The following NPAS2 variants were observed in gnomAD, a reference collection of about 807,000 sequenced individuals.
NPAS2 encodes neuronal PAS domain-containing protein 2.
A neutral mutation model predicts 107.5 loss-of-function variants in NPAS2; 23 were observed. The observed-to-expected ratio is 0.21, with a 90% confidence interval of 0.15 to 0.30. The LOEUF is 0.30. Ranked by LOEUF, NPAS2 falls within the 10% of genes least tolerant of loss-of-function variation. The pLI, the probability that NPAS2 is intolerant of heterozygous loss-of-function variation, is 1.00. For missense variants in NPAS2, 756 were observed against 1,043.3 expected (o/e 0.72, Z 3.79); for synonymous variants, 403 against 417.5 (o/e 0.97, Z 0.42).
chr2:100,836,225 T>A (rs1225982701), intron 1 of NPAS2, among the ~76,000 whole-genome samples: 1 of 152,126 alleles, frequency 6.6e-6, no homozygotes, highest in Non-Finnish European at 1.5e-5. Context: ...TTGATTGACA[T>A]ACATATACAC....
chr2:100,938,762 C>A (rs1042502248), intron 5 of NPAS2, among the ~76,000 whole-genome samples: 1 of 152,048 alleles, frequency 6.6e-6, no homozygotes, highest in Non-Finnish European at 1.5e-5. Flanking sequence ...TGTTCCTAGG[C>A]GGCAGCTTCG....
intron 2 of NPAS2, 50 bp from the exon 3 acceptor site, chr2:100,925,096 G>A: frequency 2.6e-6 from 4 of 1,563,634 alleles, no homozygotes; most frequent in Non-Finnish European, 3.5e-6. Flanking sequence ...TCATCACAAA[G>A]CCTTTGTGAC....
intron 1 of NPAS2, among the ~76,000 whole-genome samples, chr2:100,852,259 T>C (rs913708560): frequency 7.9e-5 from 12 of 151,828 alleles, no homozygotes; most frequent in South Asian, 2.1e-4. Flanking sequence ...TAGCCGGGCG[T>C]GGTGGTGGGT....
chr2:100,926,220 G>A (rs934596579), intron 3 of NPAS2, among the ~76,000 whole-genome samples: 2 of 152,088 alleles, frequency 1.3e-5, no homozygotes, highest in African/African-American at 2.4e-5. Context: ...TGGAAATTAT[G>A]AATGATGCTG....
At chr2:100,869,302 T>C (rs975047305) in intron 1 of NPAS2, among the ~76,000 whole-genome samples, 4 of 152,228 alleles carry the variant, frequency 2.6e-5, no homozygotes, top group South Asian at 2.1e-4. Flanking sequence ...AATCTGATTT[T>C]GTTCTTTGTT....
At chr2:100,969,094 A>G (rs1676397646) in intron 11 of NPAS2, among the ~76,000 whole-genome samples, 1 of 152,096 alleles carries the variant, frequency 6.6e-6, no homozygotes, top group Admixed American at 6.5e-5. Context: ...AAATTTTAAG[A>G]ACGTAAATTA....
At chr2:100,880,717 T>G (rs1472710227) in intron 1 of NPAS2, among the ~76,000 whole-genome samples, 1 of 152,230 alleles carries the variant, frequency 6.6e-6, no homozygotes, top group East Asian at 1.9e-4. Flanking sequence ...TGAACACCAC[T>G]GAATTGTACA....
In NPAS2 at chr2:100,990,807, C is replaced by T. The variant is rs775060115; in HGVS notation, c.2046C>T (p.Pro682=). 5 of 1,614,102 alleles carry T rather than the reference C, an allele frequency of 3.1e-6. No homozygotes were observed. The African/African-American group carries it at 4.0e-5, about 13-fold the overall frequency. The change falls in exon 19 of 21, where the codon CCC becomes CCT. Residue 682 remains proline (P), a synonymous_variant. Transcript: ENST00000335681. ...LRLLLSQPIQ[P]MMPGSCDARQ... Reference sequence around the variant, plus strand: ...TGTTGCTGAGCCAGCCCATCCAGCCCATGATGCCCGGGTCCTGTGACGCAA... The same window carrying T: ...TGTTGCTGAGCCAGCCCATCCAGCCTATGATGCCCGGGTCCTGTGACGCAA...
rs570827452 is a variant in NPAS2 at position 100,937,696 on chromosome 2, A to G, written c.274-57A>G. 578 of 1,198,328 alleles carry G rather than the reference A, an allele frequency of 4.8e-4. 1 individual carries two copies. Among genetic ancestry groups the G allele is most frequent in the Non-Finnish European group, 7.0e-4 (557 of 800,216 alleles). 74.2% of individuals were successfully genotyped at this position (1,198,328 alleles called of 1,614,324 possible). A position where few individuals can be genotyped will look rare whatever the true frequency, so the allele number is the denominator to read the frequency against. On this transcript the variant is annotated intron_variant, in intron 4 of 20. Transcript: ENST00000335681. ...TAAAATAGTGTCCTCTGCATCAGTG[A>G]CATGCTCCTCCATAAACGCATTGCT...
chr2:100,988,371 T>G (rs1166364129), intron 17 of NPAS2, 95 bp downstream of exon 17: 2 of 1,008,372 alleles, frequency 2.0e-6, no homozygotes, highest in South Asian at 1.4e-5. Flanking sequence ...CTACGTGAAC[T>G]GAGGCCTACT....
intron 1 of NPAS2, among the ~76,000 whole-genome samples, chr2:100,880,424 T>C (rs1310768728): frequency 6.6e-6 from 1 of 152,154 alleles, no homozygotes; most frequent in Non-Finnish European, 1.5e-5. Flanking sequence ...GTACCATATG[T>C]ATATATATAG....
intron 1 of NPAS2, among the ~76,000 whole-genome samples, chr2:100,889,358 C>T (rs1680911273): frequency 6.6e-6 from 1 of 152,224 alleles, no homozygotes; most frequent in Non-Finnish European, 1.5e-5. Flanking sequence ...AAGGGCTTGC[C>T]ACGGGGCTTT....
chr2:100,960,442 G>T (rs1305051335), intron 7 of NPAS2, among the ~76,000 whole-genome samples: 1 of 151,548 alleles, frequency 6.6e-6, no homozygotes, highest in Non-Finnish European at 1.5e-5. Flanking sequence ...ACATGCCTGG[G>T]GCACAGAGCA....
intron 17 of NPAS2, chr2:100,989,070 G>A (rs577573208): frequency 2.3e-5 from 4 of 174,506 alleles, no homozygotes; most frequent in African/African-American, 9.6e-5. Context: ...AGCCACCAGT[G>A]ACCTTGCAAT....
At position 100,932,891 on chromosome 2, in the gene NPAS2, A is replaced by T. The variant is rs930501082; in HGVS notation, c.182-19A>T. 6.3e-7 allele frequency: 1 copy of T among 1,584,496 alleles called. No individual in the cohort carries two copies. Among genetic ancestry groups the T allele is most frequent in the Non-Finnish European group, 8.7e-7 (1 of 1,153,184 alleles). ...TAGGTGCCATTGAATATAAAGGCTT[A>T]TTTGTGTCTCTTTTCTAGAAGTCTC... On this transcript the variant is annotated intron_variant, in intron 3 of 20. Transcript: ENST00000335681.
rs371309111 is a variant in NPAS2, at chr2:100,858,197, A to G, written c.-23+37783A>G. 1.1e-4 allele frequency among the ~76,000 whole-genome samples: 16 copies of G among 152,306 alleles called. No homozygotes were observed. The East Asian group carries it at 2.9e-3, about 28-fold the overall frequency. On this transcript the variant is annotated intron_variant, in intron 1 of 20. Transcript: ENST00000335681. The stretch of plus-strand genomic sequence containing the variant: ...CTAGTTCCTTCTCACTGTGAAAGCT[A>G]CAGGCCATCTGACTCAGCCTCTGTC...
chr2:100,890,837 C>T (rs1558844781), intron 1 of NPAS2, among the ~76,000 whole-genome samples: 1 of 152,174 alleles, frequency 6.6e-6, no homozygotes, highest in Non-Finnish European at 1.5e-5. Context: ...AGCCCGTGAG[C>T]TTGACTTGGC....
intron 1 of NPAS2, among the ~76,000 whole-genome samples, chr2:100,856,083 A>G (rs1038880103): frequency 6.6e-6 from 1 of 152,218 alleles, no homozygotes; most frequent in Non-Finnish European, 1.5e-5. Context: ...TACTTAAGCA[A>G]AATTAAGGAG....
chr2:100,960,550 G>A (rs951308773), intron 7 of NPAS2, among the ~76,000 whole-genome samples: 9 of 151,966 alleles, frequency 5.9e-5, no homozygotes, highest in South Asian at 2.1e-4. Flanking sequence ...GGTGATTGCC[G>A]TATGCTGATT....
Sources: gnomAD v4.1 joint callset for allele counts (sites outside exome capture counted in the v4.1 genomes callset) on GRCh38, gnomAD v4.1.1 for gene constraint, MANE v1.5 for transcripts, NCBI Gene and HGNC (gene_info 2026-07-23, HGNC 2026-07-21) for gene names.